The following BFSP2 variants were observed in gnomAD, a reference collection of about 807,000 sequenced individuals.
BFSP2 encodes beaded filament structural protein 2.
Under a neutral mutation model 44.9 loss-of-function variants are expected in BFSP2, and 38 were observed. The observed-to-expected ratio is 0.85, with a 90% CI of 0.65 to 1.11. The LOEUF (loss-of-function observed/expected upper bound fraction) is 1.11. Ranked by LOEUF, BFSP2 falls within the 50% of genes least tolerant of loss-of-function variation. The probability of loss-of-function intolerance (pLI) is 0.00; values close to 1 mark genes in which losing one functional copy is unlikely to be tolerated. For missense variants in BFSP2, 525 were observed against 533.0 expected, an observed-to-expected ratio of 0.99 and a Z score of 0.15; for synonymous variants, 197 against 209.9, an observed-to-expected ratio of 0.94 and a Z score of 0.53.
At position 133,400,520 on chromosome 3, in the gene BFSP2, G is replaced by A. The variant is rs148759360; in HGVS notation, c.437G>A (p.Arg146His). 416 of 1,613,758 alleles carry A rather than the reference G, an allele frequency of 2.6e-4. 4 individuals carry two copies. The South Asian group carries it at 4.1e-3, about 16-fold the overall frequency. Residue 146 changes from arginine to histidine, a missense_variant, in exon 1 of 7, where the codon CGC becomes CAC. Coordinates refer to ENST00000302334, the MANE Select transcript of BFSP2 (RefSeq NM_003571.4). The surrounding 1 kb of genome is among the most constrained non-coding windows in gnomAD (Gnocchi z 4.0). ...LRMHLESKAT[R>H]SGNWGALRAS... ...ATGCACCTGGAGAGCAAAGCCACAC[G>A]CTCGGGAAACTGGGGTGCCCTACGG...
chr3:133,420,400 C>T (rs1402647071), intron 1 of BFSP2, among the ~76,000 whole-genome samples: 1 of 152,216 alleles, frequency 6.6e-6, no homozygotes, highest in African/African-American at 2.4e-5. Flanking sequence ...GCAGTCATCA[C>T]TCGAATCAGC....
chr3:133,425,485 C>T (rs537854844), intron 1 of BFSP2, among the ~76,000 whole-genome samples: 27 of 152,284 alleles, frequency 1.8e-4, no homozygotes, highest in Admixed American at 7.8e-4. Context: ...AGCCCCTGGG[C>T]GAAAACATGG....
chr3:133,415,596 C>T lies in BFSP2; in HGVS notation c.489+15024C>T, dbSNP rs146523098. Among the ~76,000 whole-genome samples the T allele has an allele frequency of 9.6e-3, 1,035 of 107,610 alleles. 61 individuals carry two copies. Among genetic ancestry groups the T allele is most frequent in the African/African-American group, 0.038 (925 of 24,196 alleles). 70.6% of individuals were successfully genotyped at this position (107,610 alleles called of 152,430 possible). A position where few individuals can be genotyped will look rare whatever the true frequency, so the allele number is the denominator to read the frequency against. On this transcript the variant is annotated intron_variant, in intron 1 of 6. Coordinates refer to ENST00000302334, the MANE Select transcript of BFSP2 (RefSeq NM_003571.4). ...CCGCTCTACTCACCCCTGCCCCCTCCGCTCTACTCACCCCTCTACTCATCC... is the reference window on the plus strand; with the variant it reads ...CCGCTCTACTCACCCCTGCCCCCTCTGCTCTACTCACCCCTCTACTCATCC...
At chr3:133,408,040 A>T (rs943537784) in intron 1 of BFSP2, among the ~76,000 whole-genome samples, 3 of 152,210 alleles carry the variant, frequency 2.0e-5, no homozygotes, top group South Asian at 2.1e-4. Context: ...GAAAAATTTT[A>T]AAATGTTGCA....
intron 1 of BFSP2, among the ~76,000 whole-genome samples, chr3:133,419,682 C>T (rs755326828): frequency 3.3e-5 from 5 of 152,228 alleles, no homozygotes; most frequent in Non-Finnish European, 5.9e-5. Flanking sequence ...TTAACCAGGA[C>T]GCATGAGGCT....
intron 1 of BFSP2, among the ~76,000 whole-genome samples, chr3:133,407,446 A>T (rs1395265992): frequency 6.6e-6 from 1 of 152,196 alleles, no homozygotes; most frequent in Non-Finnish European, 1.5e-5. Flanking sequence ...CTTCTCCCTA[A>T]GTTAATGTAT....
intron 1 of BFSP2, among the ~76,000 whole-genome samples, chr3:133,430,252 A>G (rs376934538): frequency 9.2e-5 from 14 of 151,968 alleles, no homozygotes; most frequent in African/African-American, 3.1e-4. Flanking sequence ...ATGATTTATA[A>G]TCCTTTGGGT....
chr3:133,446,999 C>G (rs1397560368), intron 1 of BFSP2, among the ~76,000 whole-genome samples: 1 of 152,002 alleles, frequency 6.6e-6, no homozygotes, highest in African/African-American at 2.4e-5. Flanking sequence ...ATCTAAGGAG[C>G]CGGACTCTGC....
chr3:133,454,884 G>GT (rs2073999468), intron 4 of BFSP2, among the ~76,000 whole-genome samples: 6 of 152,168 alleles, frequency 3.9e-5, no homozygotes, highest in South Asian at 2.1e-4. Flanking sequence ...TTTAAGAGGG[G>GT]GTTTTTTTAA....
At chr3:133,473,437 GCAAAAAAA>G (rs2074185454) in intron 6 of BFSP2, among the ~76,000 whole-genome samples, 1 of 23,086 alleles carries the variant, frequency 4.3e-5, no homozygotes, top group African/African-American at 1.5e-4. Context: ...AGAGGCAGCA[GCAAAAAAA>G]AAAAAAAAAA....
intron 1 of BFSP2, among the ~76,000 whole-genome samples, chr3:133,424,088 G>A (rs1393738656): frequency 2.0e-5 from 3 of 151,294 alleles, no homozygotes; most frequent in African/African-American, 7.3e-5. Flanking sequence ...GTCTCACTCT[G>A]TCACCCAGGC....
chr3:133,414,902 A>T (rs1415203969), intron 1 of BFSP2, among the ~76,000 whole-genome samples: 221 of 32,980 alleles, frequency 6.7e-3, no homozygotes, highest in Non-Finnish European at 7.6e-3. Context: ...TCCTCTCCCC[A>T]CTACTCACTC....
At chr3:133,425,797 AGG>A (rs2073640976) in intron 1 of BFSP2, among the ~76,000 whole-genome samples, 4 of 142,516 alleles carry the variant, frequency 2.8e-5, no homozygotes, top group South Asian at 2.4e-4. Flanking sequence ...AGGGAAGGGA[AGG>A]GAAGAAGGGA....
At chr3:133,431,513 C>A (rs1270419422) in intron 1 of BFSP2, among the ~76,000 whole-genome samples, 2 of 152,194 alleles carry the variant, frequency 1.3e-5, no homozygotes, top group Non-Finnish European at 2.9e-5. Context: ...CTGTTCAACT[C>A]ACCTGGCAGC....
At chr3:133,453,935 T>C (rs2073990083) in intron 4 of BFSP2, among the ~76,000 whole-genome samples, 1 of 152,250 alleles carries the variant, frequency 6.6e-6, no homozygotes, top group Non-Finnish European at 1.5e-5. Context: ...GTGTTACGAA[T>C]GTCAGGAACC....
chr3:133,453,298 C>T (rs949281657), intron 4 of BFSP2, among the ~76,000 whole-genome samples: 1 of 152,220 alleles, frequency 6.6e-6, no homozygotes, highest in Non-Finnish European at 1.5e-5. Context: ...TTAGCACACA[C>T]AGCTTTCAAA....
intron 4 of BFSP2, among the ~76,000 whole-genome samples, chr3:133,451,377 A>T (rs55699806): frequency 0.3 from 45,222 of 152,058 alleles, 7,257 homozygotes; most frequent in African/African-American, 0.43. Context: ...AAGCCAAAAA[A>T]TATTCTCTGT....
At chr3:133,439,798 C>T (rs1203311867) in intron 1 of BFSP2, among the ~76,000 whole-genome samples, 1 of 152,146 alleles carries the variant, frequency 6.6e-6, no homozygotes, top group East Asian at 1.9e-4. Flanking sequence ...GACAAGGGGA[C>T]ATGGGAAGGT....
chr3:133,448,464 G>A (rs779767821), intron 2 of BFSP2, 25 bp from the exon 3 acceptor site: 3 of 1,612,936 alleles, frequency 1.9e-6, no homozygotes, highest in Non-Finnish European at 2.5e-6. Context: ...ACTCAGTTAT[G>A]CTAATTAAGT....
Sources: allele counts gnomAD v4.1 joint callset (sites outside exome capture counted in the v4.1 genomes callset), GRCh38; gene constraint gnomAD v4.1.1; non-coding constraint Gnocchi (gnomAD v3.1); transcripts MANE v1.5; gene names NCBI Gene and HGNC (gene_info 2026-07-23, HGNC 2026-07-21).